Variants in KCNIP1 observed in about 807,000 individuals in gnomAD.
KCNIP1 encodes the protein potassium voltage-gated channel interacting protein 1.
In KCNIP1, 18 loss-of-function variants were observed where a neutral mutation model predicts 33.0. The ratio of observed to expected loss-of-function variants is 0.55; its 90% CI spans 0.38 to 0.81. KCNIP1 has a LOEUF of 0.81. Ranked by LOEUF, KCNIP1 falls within the 30% of genes least tolerant of loss-of-function variation. The probability of loss-of-function intolerance (pLI) is 0.00; values close to 1 mark genes in which losing one functional copy is unlikely to be tolerated. For missense variants in KCNIP1, 238 were observed against 271.6 expected, an observed-to-expected ratio of 0.88 and a Z score of 0.87; for synonymous variants, 93 against 98.3, an observed-to-expected ratio of 0.95 and a Z score of 0.32.
At chr5:170,393,797 A>AT (rs1442392038) in intron 1 of KCNIP1, among the ~76,000 whole-genome samples, 4 of 151,988 alleles carry the variant, frequency 2.6e-5, no homozygotes, top group Non-Finnish European at 5.9e-5. Context: ...TTTTCACCAT[A>AT]TTTTCCCTTG....
chr5:170,683,940 A>G (rs1762454091), intron 1 of KCNIP1, among the ~76,000 whole-genome samples: 1 of 136,914 alleles, frequency 7.3e-6, no homozygotes, highest in South Asian at 2.2e-4. Context: ...GTGTGTTAGT[A>G]GAGACAGGGT....
intron 1 of KCNIP1, among the ~76,000 whole-genome samples, chr5:170,643,833 CT>C (rs1273087957): frequency 2.0e-5 from 3 of 152,364 alleles, no homozygotes; most frequent in Non-Finnish European, 4.4e-5. Flanking sequence ...CTGCCACCCC[CT>C]GGCTCTGTGC....
intron 1 of KCNIP1, among the ~76,000 whole-genome samples, chr5:170,666,056 A>G (rs1175153511): frequency 6.6e-6 from 1 of 152,180 alleles, no homozygotes; most frequent in Non-Finnish European, 1.5e-5. Flanking sequence ...CTTTGGAAGG[A>G]AGTCACTGTG....
chr5:170,371,010 G>A (rs964773665), intron 1 of KCNIP1, among the ~76,000 whole-genome samples: 11 of 152,188 alleles, frequency 7.2e-5, no homozygotes, highest in Non-Finnish European at 1.2e-4. Flanking sequence ...ATTCTAGAGC[G>A]CATGATTAAA....
Position 170,736,173 on chromosome 5 carries a change from C to A in KCNIP1, c.*367C>A. The A allele has an allele frequency of 4.9e-6, 1 of 204,536 alleles. No individual in the cohort carries two copies. The highest frequency in any genetic ancestry group is 1.2e-4 in the East Asian group (1 of 8,604). The allele number at this position is 204,536 out of a possible 1,614,324, so 12.7% of individuals were successfully genotyped here. On this transcript the variant is annotated 3_prime_UTR_variant, in exon 8 of 8. Coordinates refer to ENST00000328939, the MANE Select transcript of KCNIP1 (RefSeq NM_014592.4). ...CCCACTGCCTCCAAGTCAGGCAGACCTTGGTGAATCTGGAAGCAAGAGGAC... is the reference window on the plus strand; with the variant it reads ...CCCACTGCCTCCAAGTCAGGCAGACATTGGTGAATCTGGAAGCAAGAGGAC...
At chr5:170,588,280 A>G (rs565831028) in intron 1 of KCNIP1, among the ~76,000 whole-genome samples, 111 of 152,328 alleles carry the variant, frequency 7.3e-4, no homozygotes, top group African/African-American at 2.6e-3. Flanking sequence ...AGAGAGGTGC[A>G]GTCAGTCACC....
intron 1 of KCNIP1, among the ~76,000 whole-genome samples, chr5:170,454,001 A>T (rs1756315475): frequency 6.6e-6 from 1 of 152,240 alleles, no homozygotes; most frequent in Non-Finnish European, 1.5e-5. Context: ...GACACAGCTG[A>T]ACCGTGTCCA....
At chr5:170,419,240 G>A (rs1755414260) in intron 1 of KCNIP1, among the ~76,000 whole-genome samples, 1 of 152,206 alleles carries the variant, frequency 6.6e-6, no homozygotes, top group South Asian at 2.1e-4. Flanking sequence ...ACCCCAGTGA[G>A]GTTTGGGGGT....
At chr5:170,485,814 T>C (rs1284635466) in intron 1 of KCNIP1, 1 of 146,982 alleles carries the variant, frequency 6.8e-6, no homozygotes, top group Non-Finnish European at 1.5e-5. Flanking sequence ...CAGCCCCAGC[T>C]GGGCTCAAAC....
At chr5:170,367,420 AG>A (rs148429463) in intron 1 of KCNIP1, among the ~76,000 whole-genome samples, 12,890 of 87,280 alleles carry the variant, frequency 0.15, 866 homozygotes, top group Non-Finnish European at 0.16. Context: ...AAAGAAAGAA[AG>A]GAAAGAAAGA....
At position 170,489,984 on chromosome 5, in the gene KCNIP1, T is replaced by C. The variant is rs1757173737; in HGVS notation, c.88+136020T>C. ...GGAGATGAGCTCCAGGGTTTGAGGG[T>C]TAAGGACATTCACCAGTCTCCCAGC... On this transcript the variant is annotated intron_variant, in intron 1 of 7. Coordinates refer to the KCNIP1 transcript ENST00000377360. The surrounding 1 kb of genome is among the most constrained non-coding windows in gnomAD (Gnocchi z 4.3). 6.6e-6 allele frequency among the ~76,000 whole-genome samples: 1 copy of C among 151,952 alleles called. No individual in the cohort carries two copies. The highest frequency in any genetic ancestry group is 2.1e-4 in the South Asian group (1 of 4,824).
intron 1 of KCNIP1, among the ~76,000 whole-genome samples, chr5:170,563,444 T>C (rs973180667): frequency 2.6e-5 from 4 of 152,154 alleles, no homozygotes; most frequent in African/African-American, 9.7e-5. Flanking sequence ...TCCCATCCTG[T>C]CCCCATACCT....
chr5:170,638,034 G>T (rs531211815), intron 1 of KCNIP1, among the ~76,000 whole-genome samples: 29 of 139,560 alleles, frequency 2.1e-4, no homozygotes, highest in Admixed American at 1.8e-3. Context: ...GGTGTGTCTG[G>T]GGGGTGGGGG....
intron 1 of KCNIP1, among the ~76,000 whole-genome samples, chr5:170,576,701 G>A (rs1335751466): frequency 6.6e-6 from 1 of 152,116 alleles, no homozygotes; most frequent in Non-Finnish European, 1.5e-5. Context: ...CATTAAATAA[G>A]ATAATACATT....
At chr5:170,432,022 GTCTC>G (rs1755754208) in intron 1 of KCNIP1, among the ~76,000 whole-genome samples, 1 of 150,702 alleles carries the variant, frequency 6.6e-6, no homozygotes, top group South Asian at 2.1e-4. Flanking sequence ...CTCTCTCTGT[GTCTC>G]TCTCTTTCTC....
chr5:170,682,489 G>A (rs2113797163), intron 1 of KCNIP1, among the ~76,000 whole-genome samples: 1 of 152,304 alleles, frequency 6.6e-6, no homozygotes, highest in South Asian at 2.1e-4. Context: ...ATGACCCTAA[G>A]GCCCTGCTTC....
chr5:170,640,399 C>CAGGTGCAAA (rs1165684462), intron 1 of KCNIP1, among the ~76,000 whole-genome samples: 1 of 152,212 alleles, frequency 6.6e-6, no homozygotes, highest in East Asian at 1.9e-4. Context: ...CTGATTAAAT[C>CAGGTGCAAA]TCACAAGTTT....
At chr5:170,385,987 G>A (rs1764453248) in intron 1 of KCNIP1, among the ~76,000 whole-genome samples, 1 of 151,822 alleles carries the variant, frequency 6.6e-6, no homozygotes, top group Non-Finnish European at 1.5e-5. Context: ...TTAGCCGGGT[G>A]TGGTCGTGGG....
chr5:170,368,506 G>A (rs532977509), intron 1 of KCNIP1, among the ~76,000 whole-genome samples: 22 of 152,000 alleles, frequency 1.4e-4, no homozygotes, highest in Non-Finnish European at 2.6e-4. Flanking sequence ...CTTGTGATCC[G>A]CCCGCCTCAG....
Sources: allele counts gnomAD v4.1 joint callset (sites outside exome capture counted in the v4.1 genomes callset), GRCh38; gene constraint gnomAD v4.1.1; non-coding constraint Gnocchi (gnomAD v3.1); transcripts MANE v1.5; gene names NCBI Gene and HGNC (gene_info 2026-07-23, HGNC 2026-07-21).